SHROOM2: variants seen among roughly 807,000 people sequenced by gnomAD.
The protein encoded by SHROOM2 is protein Shroom2.
In SHROOM2, 33 loss-of-function variants were observed where a neutral mutation model predicts 75.9. That is an observed-to-expected ratio of 0.43 (90% CI 0.33 to 0.58). The LOEUF (loss-of-function observed/expected upper bound fraction) is 0.58, where lower values mean the gene tolerates loss of function less well. Ranked by LOEUF, SHROOM2 falls within the 20% of genes least tolerant of loss-of-function variation. SHROOM2 has a pLI of 0.04. For missense variants in SHROOM2, 1,434 were observed against 1,461.2 expected (o/e 0.98, Z 0.30); for synonymous variants, 655 against 663.6 (o/e 0.99, Z 0.20).
chrX:9,907,051 G>A (rs1196057427), intron 5 of SHROOM2, among the ~76,000 whole-genome samples: 1 of 110,800 alleles, frequency 9.0e-6, no homozygotes, highest in Non-Finnish European at 1.9e-5. Flanking sequence ...GGGCAGGGGG[G>A]AGGCGGGCAG....
At chrX:9,837,802 G>A (rs1370774717) in intron 1 of SHROOM2, among the ~76,000 whole-genome samples, 2 of 111,375 alleles carry the variant, frequency 1.8e-5, no homozygotes, top group African/African-American at 6.5e-5. Context: ...CTCAGTGTTT[G>A]TGTGCCTGGC....
chrX:9,863,609 T>TC (rs2084116720), intron 1 of SHROOM2, among the ~76,000 whole-genome samples: 1 of 106,507 alleles, frequency 9.4e-6, no homozygotes, highest in Non-Finnish European at 1.9e-5. Flanking sequence ...TTATTATTTT[T>TC]TTTTGGGGGG....
Position 9,898,278 on chromosome X carries a change from A to G in SHROOM2, c.2879A>G (p.Gln960Arg), listed in dbSNP as rs1166529990. The G allele has an allele frequency of 1.7e-6, 2 of 1,168,897 alleles. No homozygotes were observed. The highest frequency in any genetic ancestry group is 2.3e-6 in the Non-Finnish European group (2 of 871,001). ...LPSAVRAEEG[Q>R]STPRQADAQC... ...TCCGCAGTCCGGGCCGAGGAGGGAC[A>G]GTCCACGCCGAGGTGGGTGAAATTT... Residue 960 changes from glutamine to arginine, a missense_variant, in exon 5 of 10, where the codon CAG becomes CGG. Gln to Arg is a conservative substitution (Grantham distance 43). Around this residue, in one of 3 missense-constraint regions of SHROOM2, gnomAD observed 1,340 missense variants for 1,338.3 expected, o/e 1.00. Coordinates refer to ENST00000380913, the MANE Select transcript of SHROOM2 (RefSeq NM_001649.4).
intron 1 of SHROOM2, among the ~76,000 whole-genome samples, chrX:9,837,563 G>C (rs1194201375): frequency 8.9e-6 from 1 of 112,475 alleles, no homozygotes; most frequent in African/African-American, 3.2e-5. Flanking sequence ...GACCAGCCCT[G>C]TTTTGGTGGC....
intron 1 of SHROOM2, among the ~76,000 whole-genome samples, chrX:9,808,250 G>C (rs1470858976): frequency 2.7e-5 from 3 of 110,304 alleles, no homozygotes; most frequent in Middle Eastern, 4.7e-3. Context: ...CTTTTTTCTT[G>C]AGTTTTTTAA....
At chrX:9,884,276 C>T (rs920078169) in intron 2 of SHROOM2, among the ~76,000 whole-genome samples, 1 of 109,426 alleles carries the variant, frequency 9.1e-6, no homozygotes, top group Non-Finnish European at 1.9e-5. Flanking sequence ...GGGCACGAAA[C>T]ACAAACTATT....
chrX:9,819,989 T>TG (rs1310810728), intron 1 of SHROOM2, among the ~76,000 whole-genome samples: 1 of 108,564 alleles, frequency 9.2e-6, no homozygotes, highest in East Asian at 2.9e-4. Flanking sequence ...TTAGTAGAGA[T>TG]GGGGTTTCAC....
intron 8 of SHROOM2, among the ~76,000 whole-genome samples, chrX:9,941,693 C>T (rs1052619793): frequency 1.5e-4 from 17 of 111,087 alleles, no homozygotes; most frequent in African/African-American, 5.5e-4. Context: ...CCTGAGCGGC[C>T]GGGCGCGGTG....
At chrX:9,930,928 A>C (rs970095039) in intron 5 of SHROOM2, among the ~76,000 whole-genome samples, 1 of 109,436 alleles carries the variant, frequency 9.1e-6, no homozygotes, top group Non-Finnish European at 1.9e-5. Context: ...TTTTTAGTAG[A>C]GATGGGGCTT....
At chrX:9,934,052 C>T (rs903124189) in intron 6 of SHROOM2, among the ~76,000 whole-genome samples, 5 of 111,456 alleles carry the variant, frequency 4.5e-5, no homozygotes, top group East Asian at 2.8e-4. Flanking sequence ...AGTGTGTGGG[C>T]GGCCCCCACA....
intron 5 of SHROOM2, among the ~76,000 whole-genome samples, chrX:9,927,356 CAAAAAAAAAAAAAAAAAAAAAA>C (rs56344026): frequency 4.1e-5 from 1 of 24,378 alleles, no homozygotes; most frequent in African/African-American, 1.1e-4. Context: ...TCTCTGTCTC[CAAAAAAAAAAAAAAAAAAAAAA>C]AAAAAAAAAA....
At chrX:9,842,886 G>A (rs955922490) in intron 1 of SHROOM2, among the ~76,000 whole-genome samples, 3 of 111,449 alleles carry the variant, frequency 2.7e-5, no homozygotes, top group Admixed American at 1.9e-4. Context: ...AAGGAGGGCA[G>A]GGAGGGAGAG....
At position 9,882,021 on chromosome X, in the gene SHROOM2, T is replaced by C. The variant is rs192719122; in HGVS notation, c.317+8218T>C. On this transcript the variant is annotated intron_variant, in intron 2 of 9. Transcript: ENST00000380913. ...AACATCAGAAAGGGCTAGGTGGGGA[T>C]ATTGTTTGCTGAGCTCTAGTGGGCA... 2.7e-5 allele frequency among the ~76,000 whole-genome samples: 3 copies of C among 111,625 alleles called. No homozygotes were observed. In the East Asian group the frequency reaches 8.4e-4, roughly 31 times the overall value.
In SHROOM2 at chrX:9,932,792, G is replaced by A. The variant is rs769869968; in HGVS notation, c.3509G>A (p.Arg1170His). The A allele has an allele frequency of 3.3e-6, 4 of 1,208,584 alleles. No individual in the cohort carries two copies. The highest frequency in any genetic ancestry group is 2.2e-5 in the Admixed American group (1 of 46,015). Residue 1170 changes from arginine (R) to histidine (H), a missense_variant, in exon 6 of 10, where the codon CGC becomes CAC. Transcript: ENST00000380913. ...CAGACGGCCACCATGGAGACCTCGC[G>A]CTCCCCCTCGCCCCAGTTCGCCCCC... Reference protein sequence around the residue: ...RLQTATMETSRSPSPQFAPQK... With the variant: ...RLQTATMETSHSPSPQFAPQK...
chrX:9,912,171 C>G (rs1322679377), intron 5 of SHROOM2, among the ~76,000 whole-genome samples: 1 of 90,256 alleles, frequency 1.1e-5, no homozygotes, highest in Non-Finnish European at 2.3e-5. Flanking sequence ...GACTGCCCCC[C>G]AAGCCTTTTG....
chrX:9,826,397 G>A (rs776680933), intron 1 of SHROOM2, among the ~76,000 whole-genome samples: 5 of 111,110 alleles, frequency 4.5e-5, no homozygotes, highest in Admixed American at 2.9e-4. Flanking sequence ...TTCTTTTTTT[G>A]ACAGGTATCA....
At chrX:9,856,122 G>T (rs780790912) in intron 1 of SHROOM2, among the ~76,000 whole-genome samples, 54 of 108,174 alleles carry the variant, frequency 5.0e-4, no homozygotes, top group Admixed American at 4.8e-3. Context: ...TCAACAAAGG[G>T]CTTCTGGGTT....
intron 1 of SHROOM2, among the ~76,000 whole-genome samples, chrX:9,792,013 A>G (rs779845553): frequency 0.08 from 27 of 337 alleles, no homozygotes; most frequent in South Asian, 0.25. Flanking sequence ...ATAGAATAGA[A>G]TAGAATAGAA....
chrX:9,938,805 G>A (rs1276330383), intron 7 of SHROOM2, among the ~76,000 whole-genome samples: 4 of 110,767 alleles, frequency 3.6e-5, no homozygotes, highest in Non-Finnish European at 3.8e-5. Context: ...GCAGGAGGGC[G>A]CCGACAGGGC....
Sources: allele counts gnomAD v4.1 joint callset (sites outside exome capture counted in the v4.1 genomes callset), GRCh38; gene constraint gnomAD v4.1.1; regional missense constraint gnomAD v4.1.1; transcripts MANE v1.5; gene names NCBI Gene and HGNC (gene_info 2026-07-23, HGNC 2026-07-21).